Variants in FKTN observed in about 807,000 individuals in gnomAD.
FKTN encodes fukutin, also known as ribitol-5-phosphate transferase FKTN.
FKTN carries 47 observed loss-of-function variants against 58.6 expected under a neutral mutation model. The ratio of observed to expected loss-of-function variants is 0.80; its 90% CI spans 0.63 to 1.02. The LOEUF (loss-of-function observed/expected upper bound fraction) is 1.02. FKTN is among the 50% of genes least tolerant of loss of function. FKTN has a pLI of 0.00. For synonymous variants in FKTN, 178 were observed against 191.9 expected (o/e 0.93, Z 0.60); for missense variants, 516 against 537.3 (o/e 0.96, Z 0.39).
chr9:105,627,817 A>G (rs1832917118), intron 10 of FKTN, among the ~76,000 whole-genome samples: 1 of 151,942 alleles, frequency 6.6e-6, no homozygotes, highest in South Asian at 2.1e-4. Context: ...TTTCTATGTG[A>G]TAGATAAAAT....
intron 10 of FKTN, among the ~76,000 whole-genome samples, chr9:105,629,831 G>A (rs1833182561): frequency 6.6e-6 from 1 of 152,036 alleles, no homozygotes; most frequent in Non-Finnish European, 1.5e-5. Context: ...AAGAAAATGT[G>A]GCACATATAC....
At chr9:105,613,060 CAG>C (rs1830210953) in intron 7 of FKTN, among the ~76,000 whole-genome samples, 1 of 152,154 alleles carries the variant, frequency 6.6e-6, no homozygotes, top group Admixed American at 6.5e-5. Flanking sequence ...GTACCAGCAG[CAG>C]GTAACTATCA....
chr9:105,562,075 T>C (rs918513035), intron 1 of FKTN, among the ~76,000 whole-genome samples: 2 of 152,248 alleles, frequency 1.3e-5, no homozygotes, highest in African/African-American at 4.8e-5. Context: ...TGTTTTATTT[T>C]GTTCAGAGCA....
rs1834158370 is a variant in FKTN, at chr9:105,638,025, A to T, written c.*2761A>T. Reference sequence around the variant, plus strand: ...CAAAACAAGTTAAAACTTAAGTGAAAATCATTCTGCTTTTGAATCTTAAAA... The same window carrying T: ...CAAAACAAGTTAAAACTTAAGTGAATATCATTCTGCTTTTGAATCTTAAAA... On this transcript the variant is annotated 3_prime_UTR_variant, in exon 11 of 11. Coordinates refer to ENST00000357998, the MANE Select transcript of FKTN (RefSeq NM_001079802.2). 9 of 983,806 alleles carry T rather than the reference A, an allele frequency of 9.1e-6. No homozygotes were observed. The highest frequency in any genetic ancestry group is 9.7e-6 in the Non-Finnish European group (8 of 828,438). 60.9% of individuals were successfully genotyped at this position (983,806 alleles called of 1,614,324 possible). A position where few individuals can be genotyped will look rare whatever the true frequency, so the allele number is the denominator to read the frequency against.
chr9:105,626,478 C>A (rs1244889312), intron 10 of FKTN, among the ~76,000 whole-genome samples: 1 of 152,142 alleles, frequency 6.6e-6, no homozygotes, highest in Non-Finnish European at 1.5e-5. Context: ...ACCCTCATGA[C>A]CTAATCACCT....
intron 1 of FKTN, among the ~76,000 whole-genome samples, chr9:105,572,448 A>G (rs1840904349): frequency 6.6e-6 from 1 of 152,192 alleles, no homozygotes; most frequent in African/African-American, 2.4e-5. Flanking sequence ...TGTAACTCCA[A>G]ACTGAAATAT....
At chr9:105,626,018 G>T (rs1465779861) in intron 10 of FKTN, among the ~76,000 whole-genome samples, 3 of 151,966 alleles carry the variant, frequency 2.0e-5, no homozygotes, top group Non-Finnish European at 4.4e-5. Context: ...ATTCAACATT[G>T]TATTTGTGAG....
At chr9:105,568,021 G>T (rs1840005832) in intron 1 of FKTN, among the ~76,000 whole-genome samples, 1 of 152,168 alleles carries the variant, frequency 6.6e-6, no homozygotes, top group Admixed American at 6.5e-5. Context: ...TGACAAAACT[G>T]ATAAAAACAA....
intron 6 of FKTN, among the ~76,000 whole-genome samples, chr9:105,606,684 T>C (rs1324145802): frequency 4.3e-5 from 5 of 116,572 alleles, no homozygotes; most frequent in Admixed American, 1.0e-4. Flanking sequence ...TTTAAAAATA[T>C]ATATATATAT....
intron 10 of FKTN, among the ~76,000 whole-genome samples, chr9:105,625,301 T>C (rs1039256059): frequency 1.3e-5 from 2 of 152,208 alleles, no homozygotes; most frequent in African/African-American, 4.8e-5. Flanking sequence ...TGAATATTGT[T>C]GAATGGGGAA....
rs1414772298 is a variant in FKTN, at chr9:105,573,640, AT to A, written c.-180-14del. ...GAGACCCTGTCTCAAAAAAAAAAAA[AT>A]CTTTATTCTACAGATTGAAAGGAAA... On this transcript the variant is annotated splice_polypyrimidine_tract_variant and intron_variant, in intron 1 of 10. Coordinates refer to ENST00000357998, the MANE Select transcript of FKTN (RefSeq NM_001079802.2). The A allele has an allele frequency of 1.3e-5, 2 of 152,120 alleles. No individual in the cohort carries two copies. The highest frequency in any genetic ancestry group is 2.9e-5 in the Non-Finnish European group (2 of 68,024). 9.4% of individuals were successfully genotyped at this position (152,120 alleles called of 1,614,324 possible). A position where few individuals can be genotyped will look rare whatever the true frequency, so the allele number is the denominator to read the frequency against.
intron 10 of FKTN, among the ~76,000 whole-genome samples, chr9:105,625,216 G>GA (rs1190578069): frequency 6.6e-6 from 1 of 152,116 alleles, no homozygotes; most frequent in Non-Finnish European, 1.5e-5. Flanking sequence ...TAGTTTATAG[G>GA]AAAAAAACGT....
intron 1 of FKTN, among the ~76,000 whole-genome samples, chr9:105,566,413 A>G (rs1301064158): frequency 6.6e-6 from 1 of 152,160 alleles, no homozygotes; most frequent in Non-Finnish European, 1.5e-5. Context: ...CAAGACTAAT[A>G]AAGAAGAAAA....
In FKTN at chr9:105,594,835, G is replaced by A. The variant is rs566195838; in HGVS notation, c.106-1763G>A. On this transcript the variant is annotated intron_variant, in intron 3 of 10. Coordinates refer to ENST00000357998, the MANE Select transcript of FKTN (RefSeq NM_001079802.2). ...CAGAATAAGTAGAAAGTTGGCCTTTGCTGAGCAAATAAAATGAAGTCAGAT... is the reference window on the plus strand; with the variant it reads ...CAGAATAAGTAGAAAGTTGGCCTTTACTGAGCAAATAAAATGAAGTCAGAT... Among the ~76,000 whole-genome samples, 5 of 152,316 alleles carry A rather than the reference G, an allele frequency of 3.3e-5. No individual in the cohort carries two copies. The South Asian group carries it at 1.0e-3, about 32-fold the overall frequency.
rs374381691 is a variant in FKTN, at chr9:105,619,991, T to C, written c.1102T>C (p.Phe368Leu). 15 of 1,612,518 alleles carry C rather than the reference T, an allele frequency of 9.3e-6. No individual in the cohort carries two copies. In the African/African-American group the frequency reaches 1.9e-4, roughly 20 times the overall value. The change falls in exon 10 of 11, where the codon TTT becomes CTT. Residue 368 changes from phenylalanine to leucine, a missense_variant. Transcript: ENST00000357998. ...QGKDDVKLDV[F>L]FFYEETDHMW... is the part of the protein sequence containing the mutation. ...AAAAGATGATGTAAAACTTGATGTT[T>C]TTTTCTTCTATGAAGAAACTGATCA...
rs1405496978 is a variant in FKTN, at chr9:105,638,544, G to GCCTGTAT, written c.*3281_*3287dup. On this transcript the variant is annotated 3_prime_UTR_variant, in exon 11 of 11. Coordinates refer to ENST00000357998, the MANE Select transcript of FKTN (RefSeq NM_001079802.2). ...AACCATCAGCACCAACCTGCTAAATGCCTGTATTTGAAGTCTCTCCCCTTC... is the reference window on the plus strand; with the variant it reads ...AACCATCAGCACCAACCTGCTAAATGCCTGTATCCTGTATTTGAAGTCTCTCCCCTTC... The GCCTGTAT allele has an allele frequency of 1.0e-6, 1 of 985,216 alleles. No individual in the cohort carries two copies. Among genetic ancestry groups the GCCTGTAT allele is most frequent in the African/African-American group, 1.7e-5 (1 of 57,212 alleles). The allele number at this position is 985,216 out of a possible 1,614,324, so 61.0% of individuals were successfully genotyped here.
chr9:105,592,226 CA>C (rs1163412632), intron 3 of FKTN, among the ~76,000 whole-genome samples: 1 of 152,338 alleles, frequency 6.6e-6, no homozygotes, highest in East Asian at 1.9e-4. Flanking sequence ...ATTTTCCAAA[CA>C]TGTATGCCCT....
intron 10 of FKTN, among the ~76,000 whole-genome samples, chr9:105,625,603 G>C (rs545394012): frequency 6.6e-6 from 1 of 152,268 alleles, no homozygotes; most frequent in Admixed American, 6.5e-5. Flanking sequence ...GAGGTGACCG[G>C]AAGAAATGGT....
At chr9:105,581,924 G>A (rs367568321) in intron 3 of FKTN, among the ~76,000 whole-genome samples, 9 of 152,166 alleles carry the variant, frequency 5.9e-5, no homozygotes, top group Non-Finnish European at 1.0e-4. Flanking sequence ...GGAGTGACCC[G>A]ATTTTCCAGG....
Sources: allele counts gnomAD v4.1 joint callset (sites outside exome capture counted in the v4.1 genomes callset), GRCh38; gene constraint gnomAD v4.1.1; transcripts MANE v1.5; gene names NCBI Gene and HGNC (gene_info 2026-07-23, HGNC 2026-07-21).